SYK: variants seen among roughly 807,000 people sequenced by gnomAD.
The protein encoded by SYK is tyrosine-protein kinase SYK.
SYK carries 16 observed loss-of-function variants against 77.8 expected under a neutral mutation model. That is an observed-to-expected ratio of 0.21 (90% CI 0.14 to 0.31). SYK has a LOEUF of 0.31. Ranked by LOEUF, SYK falls within the 10% of genes least tolerant of loss-of-function variation. SYK has a pLI of 1.00. For missense variants in SYK, 529 were observed against 814.4 expected (o/e 0.65, Z 4.26); for synonymous variants, 312 against 308.7 (o/e 1.01, Z -0.11).
At position 90,874,229 on chromosome 9, in the gene SYK, A is replaced by C. The variant is rs1184262392; in HGVS notation, c.941A>C (p.Gln314Pro). Reference protein sequence around the residue: ...RKSSPAQGNRQESTVSFNPYE... With the variant: ...RKSSPAQGNRPESTVSFNPYE... ...TCCTCCCCTGCCCAAGGGAACCGGC[A>C]AGAGAGTACTGTGTCATTCAATCCG... The change falls in exon 8 of 14, where the codon CAA (glutamine) becomes CCA (proline). Residue 314 changes from glutamine (Q) to proline (P), a missense_variant. By Grantham distance (76) the Gln-to-Pro change is moderately conservative. This residue lies in a region of SYK where 321 missense variants were observed against 433.1 expected (regional missense o/e 0.74). Coordinates refer to ENST00000375754, the MANE Select transcript of SYK (RefSeq NM_003177.7). 1 of 1,614,220 alleles carries C rather than the reference A, an allele frequency of 6.2e-7. No individual in the cohort carries two copies. The highest frequency in any genetic ancestry group is 2.2e-5 in the East Asian group (1 of 44,886).
chr9:90,880,177 A>C (rs1202152377), intron 11 of SYK, among the ~76,000 whole-genome samples: 1 of 152,178 alleles, frequency 6.6e-6, no homozygotes, highest in East Asian at 1.9e-4. Context: ...CCTGAGTGAC[A>C]ATACCCACCC....
At chr9:90,882,115 T>C (rs912827988) in intron 11 of SYK, among the ~76,000 whole-genome samples, 2 of 152,248 alleles carry the variant, frequency 1.3e-5, no homozygotes, top group South Asian at 2.1e-4. Flanking sequence ...ACACTACCTA[T>C]TTATGCATGT....
chr9:90,845,711 C>T, intron 3 of SYK, 117 bp downstream of exon 3: 2 of 1,134,840 alleles, frequency 1.8e-6, no homozygotes, highest in East Asian at 2.4e-5. Context: ...CATGCATTGC[C>T]ATTTGACAAC....
At chr9:90,892,635 A>C (rs947166917) in intron 13 of SYK, among the ~76,000 whole-genome samples, 1 of 152,204 alleles carries the variant, frequency 6.6e-6, no homozygotes, top group Non-Finnish European at 1.5e-5. Context: ...TGGCCCTAAG[A>C]AAAGCAGGAA....
intron 1 of SYK, among the ~76,000 whole-genome samples, chr9:90,807,725 A>G (rs985395575): frequency 6.6e-6 from 1 of 152,222 alleles, no homozygotes; most frequent in Non-Finnish European, 1.5e-5. Flanking sequence ...AAAGTTGTCC[A>G]TTGCATAACT....
At chr9:90,842,760 T>A (rs760237985) in intron 1 of SYK, among the ~76,000 whole-genome samples, 191 of 20,790 alleles carry the variant, frequency 9.2e-3, no homozygotes, top group South Asian at 0.079. Flanking sequence ...ATGGAGAGAG[T>A]GTGTGTGTGT....
chr9:90,839,908 G>A (rs1380163439), intron 1 of SYK, among the ~76,000 whole-genome samples: 2 of 152,120 alleles, frequency 1.3e-5, no homozygotes, highest in African/African-American at 2.4e-5. Flanking sequence ...ACAGCATCCC[G>A]GTGCAGTCCA....
intron 3 of SYK, among the ~76,000 whole-genome samples, chr9:90,851,881 T>G (rs10821514): frequency 2.6e-5 from 4 of 152,010 alleles, no homozygotes; most frequent in Admixed American, 2.0e-4. Flanking sequence ...AATATAAAAT[T>G]AGGCATACAA....
chr9:90,851,564 G>T (rs932090976), intron 3 of SYK, among the ~76,000 whole-genome samples: 1 of 152,102 alleles, frequency 6.6e-6, no homozygotes, highest in Non-Finnish European at 1.5e-5. Context: ...GAGCACTGGA[G>T]GGGGAGTCCT....
chr9:90,886,970 A>G (rs185612904), intron 11 of SYK, among the ~76,000 whole-genome samples: 1 of 152,302 alleles, frequency 6.6e-6, no homozygotes. Context: ...CTTAGGGTAC[A>G]CCCTATGTAA....
intron 1 of SYK, among the ~76,000 whole-genome samples, chr9:90,841,566 G>A (rs1363567932): frequency 1.3e-5 from 2 of 149,752 alleles, no homozygotes; most frequent in African/African-American, 2.5e-5. Flanking sequence ...TGTAGTGTGT[G>A]TGATGTGTGT....
At position 90,836,105 on chromosome 9, in the gene SYK, G is replaced by A. The variant is rs540591304; in HGVS notation, c.-41-7753G>A. Among the ~76,000 whole-genome samples the A allele has an allele frequency of 1.9e-4, 29 of 152,150 alleles. No homozygotes were observed. The East Asian group carries it at 2.5e-3, about 13-fold the overall frequency. ...AGATCGAGATCATCCTGGCTAACAA[G>A]GTGAAACCCCGTCTCTACTAAACAT... On this transcript the variant is annotated intron_variant, in intron 1 of 13. Transcript: ENST00000375754.
At chr9:90,879,418 G>T (rs1587905877) in intron 11 of SYK, among the ~76,000 whole-genome samples, 1 of 152,206 alleles carries the variant, frequency 6.6e-6, no homozygotes, top group East Asian at 1.9e-4. Flanking sequence ...TTCATAACAT[G>T]TGGTGGAACA....
intron 1 of SYK, among the ~76,000 whole-genome samples, chr9:90,837,739 G>A (rs1169922634): frequency 6.6e-6 from 1 of 152,190 alleles, no homozygotes; most frequent in Non-Finnish European, 1.5e-5. Flanking sequence ...GCTTCCACGA[G>A]GGCAGCCTCA....
chr9:90,892,443 C>T (rs181586395), intron 13 of SYK, among the ~76,000 whole-genome samples: 56 of 152,240 alleles, frequency 3.7e-4, no homozygotes, highest in Admixed American at 1.1e-3. Context: ...TAGTCCTATC[C>T]GAAACTACAA....
chr9:90,870,106 C>CA (rs1032945199), intron 7 of SYK, among the ~76,000 whole-genome samples: 2 of 150,910 alleles, frequency 1.3e-5, no homozygotes, highest in South Asian at 4.2e-4. Flanking sequence ...GTCTCAAAAA[C>CA]AAAAAAAGAA....
At chr9:90,881,437 T>G (rs1828146339) in intron 11 of SYK, among the ~76,000 whole-genome samples, 1 of 152,006 alleles carries the variant, frequency 6.6e-6, no homozygotes, top group African/African-American at 2.4e-5. Context: ...CCCAGCACTT[T>G]GGGAGGCTGA....
intron 1 of SYK, among the ~76,000 whole-genome samples, chr9:90,829,440 C>T (rs978766881): frequency 3.9e-5 from 6 of 152,208 alleles, no homozygotes; most frequent in Admixed American, 3.3e-4. Flanking sequence ...CAGGAAGAAC[C>T]GGACATGTGA....
At position 90,843,949 on chromosome 9, in the gene SYK, C is replaced by T. The variant is rs200626943; in HGVS notation, c.51C>T (p.Phe17=). ...ADSANHLPFF[F]GNITREEAED... The stretch of plus-strand genomic sequence containing the variant: ...GCGCCAACCACCTGCCCTTCTTTTT[C>T]GGCAACATCACCCGGGAGGAGGCAG... Residue 17 remains phenylalanine, a synonymous_variant, in exon 2 of 14, where the codon TTC becomes TTT. Coordinates refer to ENST00000375754, the MANE Select transcript of SYK (RefSeq NM_003177.7). 11 of 1,572,014 alleles carry T rather than the reference C, an allele frequency of 7.0e-6. No individual in the cohort carries two copies. Among genetic ancestry groups the T allele is most frequent in the South Asian group, 3.6e-5 (3 of 84,114 alleles).
Sources: allele counts gnomAD v4.1 joint callset (sites outside exome capture counted in the v4.1 genomes callset), GRCh38; gene constraint gnomAD v4.1.1; regional missense constraint gnomAD v4.1.1; transcripts MANE v1.5; gene names NCBI Gene and HGNC (gene_info 2026-07-23, HGNC 2026-07-21).